Variants in ABCA2 observed in about 807,000 individuals in gnomAD.
The protein encoded by ABCA2 is ATP binding cassette subfamily A member 2, also known as ATP-binding cassette sub-family A member 2.
Under a neutral mutation model 262.8 loss-of-function variants are expected in ABCA2, and 84 were observed. The ratio of observed to expected loss-of-function variants is 0.32; its 90% CI spans 0.27 to 0.38. The LOEUF is 0.38. Ranked by LOEUF, ABCA2 falls within the 10% of genes least tolerant of loss-of-function variation. ABCA2 has a pLI of 1.00. For missense variants in ABCA2, 2,662 were observed against 3,405.9 expected (o/e 0.78, Z 5.44); for synonymous variants, 1,696 against 1,502.9 (o/e 1.13, Z -2.97).
rs2131433791 is a variant in ABCA2 at position 137,011,505 on chromosome 9, G to A, written c.5701C>T (p.Pro1901Ser). ...ATGAGGAACACGTAGGCGGAGCTGG[G>A]GACCTCGAACCAGAAGGAGGCCGGG... ...MYPASFWFEV[P>S]SSAYVFLIVI... Residue 1901 changes from proline (P) to serine (S), a missense_variant, in exon 37 of 49, where the codon CCC (proline) becomes TCC (serine). Pro to Ser is a moderately conservative substitution (Grantham distance 74). Coordinates refer to ENST00000341511, the MANE Select transcript of ABCA2 (RefSeq NM_001606.5). This position sits in a 1 kb window ranked among gnomAD's most constrained non-coding sequence, Gnocchi z 8.8. 6.3e-7 allele frequency: 1 copy of A among 1,599,914 alleles called. No homozygotes were observed. The highest frequency in any genetic ancestry group is 1.1e-5 in the South Asian group (1 of 89,240).
chr9:137,012,642 A>C (rs769307271), intron 31 of ABCA2, 52 bp from the exon 32 acceptor site: 1 of 1,610,176 alleles, frequency 6.2e-7, no homozygotes, highest in Non-Finnish European at 8.5e-7. Flanking sequence ...GTGAGGCTAG[A>C]GGGGCAGGAG....
At chr9:137,027,615 AG>A in intron 1 of ABCA2, 1 of 152,396 alleles carries the variant, frequency 6.6e-6, no homozygotes, top group Non-Finnish European at 1.5e-5. Flanking sequence ...AGGGCAGGGG[AG>A]GGGTGGACGG....
chr9:137,015,141 G>C lies in ABCA2; in HGVS notation c.3698-44C>G, dbSNP rs370281899. The C allele has an allele frequency of 3.3e-6, 5 of 1,532,686 alleles. No individual in the cohort carries two copies. In the African/African-American group the frequency reaches 6.9e-5, roughly 21 times the overall value. The allele number at this position is 1,532,686 out of a possible 1,614,324, so 94.9% of individuals were successfully genotyped here. On this transcript the variant is annotated intron_variant, in intron 24 of 48. Transcript: ENST00000341511. ...CAGGAAGGAATTCACTCAGGGGCTGGGAGGAGGGACCCCCAATGGGAACCC... is the reference window on the plus strand; with the variant it reads ...CAGGAAGGAATTCACTCAGGGGCTGCGAGGAGGGACCCCCAATGGGAACCC...
Position 137,024,054 on chromosome 9 carries a change from G to A in ABCA2, c.160+89C>T. The A allele has an allele frequency of 2.0e-6, 3 of 1,517,916 alleles. No homozygotes were observed. In the South Asian group the frequency reaches 3.8e-5, roughly 19 times the overall value. 94.0% of individuals were successfully genotyped at this position (1,517,916 alleles called of 1,614,324 possible). On this transcript the variant is annotated intron_variant, in intron 2 of 48. Transcript: ENST00000341511. ...CGCACCTCAGGGACTCCGGGAGCAG[G>A]ACACCCGTGTGCAGATGTGCACACA... is the stretch of plus-strand genomic sequence containing the variant.
intron 1 of ABCA2, among the ~76,000 whole-genome samples, chr9:137,026,349 CCT>C (rs1831654094): frequency 6.6e-6 from 1 of 152,238 alleles, no homozygotes; most frequent in East Asian, 1.9e-4. Context: ...ACAGGGCAAA[CCT>C]CTGTCATCCA....
In ABCA2 at chr9:137,013,468, C is replaced by T. The variant is rs1389978024; in HGVS notation, c.4543G>A (p.Glu1515Lys). ...FIPYANEERREYRLRLSPDAS... is the reference protein window; with the variant it reads ...FIPYANEERRKYRLRLSPDAS... The stretch of plus-strand genomic sequence containing the variant: ...CCCCGCTGGAGGCCTCACCGGTACT[C>T]GCGGCGCTCCTCGTTGGCGTAGGGG... The change falls in exon 29 of 49, where the codon GAG becomes AAG. Residue 1515 changes from glutamate (E) to lysine (K), a missense_variant. By Grantham distance (56) the Glu-to-Lys change is moderately conservative. Around this residue, in one of 12 missense-constraint regions of ABCA2, gnomAD observed 192 missense variants for 207.2 expected, o/e 0.93. Transcript: ENST00000341511. 5.6e-6 allele frequency: 9 copies of T among 1,605,190 alleles called. No homozygotes were observed. The highest frequency in any genetic ancestry group is 2.2e-5 in the South Asian group (2 of 89,284).
chr9:137,022,132 G>C, intron 6 of ABCA2, 131 bp from the exon 7 acceptor site: 2 of 561,802 alleles, frequency 3.6e-6, no homozygotes, highest in Non-Finnish European at 5.8e-6. Context: ...TGGGGGCGTG[G>C]CTCAGATGGT....
Position 137,015,973 on chromosome 9 carries a change from T to C in ABCA2, c.3306A>G (p.Arg1102=). 1 of 1,069,632 alleles carries C rather than the reference T, an allele frequency of 9.3e-7. No homozygotes were observed. The highest frequency in any genetic ancestry group is 1.3e-6 in the Non-Finnish European group (1 of 764,358). The allele number at this position is 1,069,632 out of a possible 1,614,324, so 66.3% of individuals were successfully genotyped here. The stretch of plus-strand genomic sequence containing the variant: ...CCCAGCCCACCCACTTGTCCATCTC[T>C]CTGCGGATCTCCTCCTGAGCCATGC... ...LKSMAQEEIR[R]EMDKMIEDLE... The change falls in exon 22 of 49, where the codon AGA becomes AGG. Residue 1102 remains arginine (R), a synonymous_variant. Coordinates refer to ENST00000341511, the MANE Select transcript of ABCA2 (RefSeq NM_001606.5).
At position 137,017,609 on chromosome 9, in the gene ABCA2, C is replaced by T. The variant is rs749592033; in HGVS notation, c.2295G>A (p.Val765=). Residue 765 remains valine, a synonymous_variant, in exon 17 of 49, where the codon GTG becomes GTA. Coordinates refer to ENST00000341511, the MANE Select transcript of ABCA2 (RefSeq NM_001606.5). ...ACTTCAGGATGGCGGTGAGTGCTGT[C>T]ACGGAGATGGACAGCTGCACAAAGC... ...ITGFVQLSIS[V]TALTAILKYG... 6.2e-7 allele frequency: 1 copy of T among 1,612,784 alleles called. No homozygotes were observed. Among genetic ancestry groups the T allele is most frequent in the Admixed American group, 1.7e-5 (1 of 60,030 alleles).
Position 137,009,292 on chromosome 9 carries a change from AC to A in ABCA2, c.6827+77del, listed in dbSNP as rs1830947984. On this transcript the variant is annotated intron_variant, in intron 45 of 48. Transcript: ENST00000341511. The stretch of plus-strand genomic sequence containing the variant: ...CCACAGCCCTCACAGCCCTGCAGCC[AC>A]CCCCACTCCTGGCCCCGCTGCCTGG... 4.5e-6 allele frequency: 4 copies of A among 879,938 alleles called. No individual in the cohort carries two copies. In the South Asian group the frequency reaches 7.7e-5, roughly 17 times the overall value. The allele number at this position is 879,938 out of a possible 1,614,324, so 54.5% of individuals were successfully genotyped here. A position where few individuals can be genotyped will look rare whatever the true frequency, so the allele number is the denominator to read the frequency against.
rs756528457 is a variant in ABCA2 at position 137,008,824 on chromosome 9, G to A, written c.6975C>T (p.His2325=). Residue 2325 remains histidine (H), a synonymous_variant, in exon 47 of 49, where the codon CAC becomes CAT. Coordinates refer to ENST00000341511, the MANE Select transcript of ABCA2 (RefSeq NM_001606.5). The part of the protein sequence containing the change: ...TKVQYQLKSE[H]ISLAQVFSKM... ...TGCTGAACACCTGGGCCAGCGAGAT[G>A]TGCTCCGACTTGAGCTGGTACTGCA... The A allele has an allele frequency of 1.2e-6, 2 of 1,605,664 alleles. No individual in the cohort carries two copies. Among genetic ancestry groups the A allele is most frequent in the Non-Finnish European group, 1.7e-6 (2 of 1,179,528 alleles).
intron 24 of ABCA2, 102 bp downstream of exon 24, chr9:137,015,312 A>G (rs1831218128): frequency 2.2e-6 from 3 of 1,381,288 alleles, no homozygotes; most frequent in Non-Finnish European, 2.9e-6. Flanking sequence ...TCCTGGGCCC[A>G]GCGGGTGACG....
chr9:137,012,358 C>T lies in ABCA2; in HGVS notation c.5206G>A (p.Gly1736Ser). The change falls in exon 33 of 49, where the codon GGC (glycine) becomes AGC (serine). Residue 1736 changes from glycine (G) to serine (S), a missense_variant. By Grantham distance (56) the Gly-to-Ser change is moderately conservative. Around this residue, in one of 12 missense-constraint regions of ABCA2, gnomAD observed 602 missense variants for 897.4 expected, o/e 0.67. Coordinates refer to ENST00000341511, the MANE Select transcript of ABCA2 (RefSeq NM_001606.5). ...AGGTAGGTGGGCATGCTGTGATAGC[C>T]CTTGTTGTTGTAGAAAACCTGCAGA... Reference protein sequence around the residue: ...RAAQVFYNNKGYHSMPTYLNS... With the variant: ...RAAQVFYNNKSYHSMPTYLNS... The T allele has an allele frequency of 6.2e-7, 1 of 1,612,342 alleles. No individual in the cohort carries two copies. Among genetic ancestry groups the T allele is most frequent in the Non-Finnish European group, 8.5e-7 (1 of 1,179,740 alleles).
rs752797584 is a variant in ABCA2 at position 137,015,440 on chromosome 9, C to T, written c.3671G>A (p.Arg1224Gln). 7.6e-6 allele frequency: 12 copies of T among 1,570,722 alleles called. No homozygotes were observed. Among genetic ancestry groups the T allele is most frequent in the Admixed American group, 5.7e-5 (3 of 52,690 alleles). Residue 1224 changes from arginine to glutamine, a missense_variant, in exon 24 of 49, where the codon CGG (arginine) becomes CAG (glutamine). Physicochemically the swap from Arg to Gln is conservative, Grantham distance 43 (BLOSUM62 1). Around this residue, in one of 12 missense-constraint regions of ABCA2, gnomAD observed 297 missense variants for 286.5 expected, o/e 1.04. Coordinates refer to ENST00000341511, the MANE Select transcript of ABCA2 (RefSeq NM_001606.5). ...GDGYRLTLVK[R>Q]PAEPGGPQEP... ...TTGGGGGCCCCCCGGCTCGGCGGGC[C>T]GCTTGACCAGCGTGAGGCGGTACCC... is the stretch of plus-strand genomic sequence containing the variant.
At chr9:137,015,230 G>C (rs959551185) in intron 24 of ABCA2, 133 bp from the exon 25 acceptor site, 2 of 1,231,830 alleles carry the variant, frequency 1.6e-6, no homozygotes, top group Non-Finnish European at 2.2e-6. Context: ...CCTGGGCCCA[G>C]GGGGTGACGC....
At position 137,021,843 on chromosome 9, in the gene ABCA2, C is replaced by T. The variant is rs1050480888; in HGVS notation, c.678+48G>A. 1 of 1,508,552 alleles carries T rather than the reference C, an allele frequency of 6.6e-7. No individual in the cohort carries two copies. Among genetic ancestry groups the T allele is most frequent in the Non-Finnish European group, 9.0e-7 (1 of 1,105,810 alleles). 93.4% of individuals were successfully genotyped at this position (1,508,552 alleles called of 1,614,324 possible). On this transcript the variant is annotated intron_variant, in intron 7 of 48. Transcript: ENST00000341511. This position sits in a 1 kb window ranked among gnomAD's most constrained non-coding sequence, Gnocchi z 6.0. ...CTCACCCACGGAGCAGAAGCACCCC[C>T]AGAGGCAGGCAGCACTCCAGGCCCA...
Position 137,022,609 on chromosome 9 carries a change from G to T in ABCA2, c.439+93C>A, listed in dbSNP as rs1831510069. ...GTGCGTGGCTGGGAACTCAGTGCAGGTGGAGGGGCCCAGAGTGGATGTGGG... is the reference window on the plus strand; with the variant it reads ...GTGCGTGGCTGGGAACTCAGTGCAGTTGGAGGGGCCCAGAGTGGATGTGGG... On this transcript the variant is annotated intron_variant, in intron 5 of 48. Transcript: ENST00000341511. The T allele has an allele frequency of 3.2e-6, 5 of 1,557,268 alleles. No homozygotes were observed. In the South Asian group the frequency reaches 3.5e-5, roughly 11 times the overall value.
At chr9:137,028,475 C>G (rs1186807141), upstream of ABCA2, among the ~76,000 whole-genome samples, 1 of 151,050 alleles carries the variant, frequency 6.6e-6, no homozygotes, top group Non-Finnish European at 1.5e-5. This position sits in a 1 kb window ranked among gnomAD's most constrained non-coding sequence, Gnocchi z 6.9. Flanking sequence ...CGTCACGCGA[C>G]GCGCCCACAT....
Position 137,010,012 on chromosome 9 carries a change from G to A in ABCA2, c.6466C>T (p.Arg2156Cys), listed in dbSNP as rs747477238. Reference sequence around the variant, plus strand: ...GCCTCGTCCTTCCAGGAGATCCCACGCAGCCGCGTGTACAGCTGCAGGTGC... The same window carrying A: ...GCCTCGTCCTTCCAGGAGATCCCACACAGCCGCGTGTACAGCTGCAGGTGC... The part of the protein sequence containing the change: ...REHLQLYTRL[R>C]GISWKDEARV... The change falls in exon 42 of 49, where the codon CGT becomes TGT. Residue 2156 changes from arginine to cysteine, a missense_variant. Physicochemically the swap from Arg to Cys is radical, Grantham distance 180 (BLOSUM62 -3). Around this residue, in one of 12 missense-constraint regions of ABCA2, gnomAD observed 602 missense variants for 897.4 expected, o/e 0.67. Coordinates refer to ENST00000341511, the MANE Select transcript of ABCA2 (RefSeq NM_001606.5). 67 of 1,597,630 alleles carry A rather than the reference G, an allele frequency of 4.2e-5. No homozygotes were observed. The highest frequency in any genetic ancestry group is 5.2e-5 in the Non-Finnish European group (61 of 1,173,568).
Sources: allele counts gnomAD v4.1 joint callset (sites outside exome capture counted in the v4.1 genomes callset), GRCh38; gene constraint gnomAD v4.1.1; regional missense constraint gnomAD v4.1.1; non-coding constraint Gnocchi (gnomAD v3.1); transcripts MANE v1.5; gene names NCBI Gene and HGNC (gene_info 2026-07-23, HGNC 2026-07-21).